The following A2ML1 variants were observed in gnomAD, a reference collection of about 807,000 sequenced individuals.
A2ML1 encodes the protein alpha-2-macroglobulin like 1.
A neutral mutation model predicts 181.9 loss-of-function variants in A2ML1; 161 were observed. That is an observed-to-expected ratio of 0.89 (90% CI 0.78 to 1.01). A2ML1 has a LOEUF of 1.01. A2ML1 is among the 50% of genes least tolerant of loss of function. The pLI, the probability that A2ML1 is intolerant of heterozygous loss-of-function variation, is 0.00. For synonymous variants in A2ML1, 663 were observed against 666.8 expected (o/e 0.99, Z 0.09); for missense variants, 1,670 against 1,768.1 (o/e 0.94, Z 1.00).
At chr12:8,874,118 C>A (rs1045114278) in intron 33 of A2ML1, among the ~76,000 whole-genome samples, 2 of 152,040 alleles carry the variant, frequency 1.3e-5, no homozygotes, top group African/African-American at 4.8e-5. Context: ...CAGGTTCAAG[C>A]GATTCTTCTG....
rs1331234461 is a variant in A2ML1 at position 8,861,167 on chromosome 12, C to A, written c.3372C>A (p.Leu1124=). The A allele has an allele frequency of 6.2e-7, 1 of 1,614,152 alleles. No individual in the cohort carries two copies. Among genetic ancestry groups the A allele is most frequent in the East Asian group, 2.2e-5 (1 of 44,878 alleles). Reference sequence around the variant, plus strand: ...TGGTGAGTCAGGGTCTACGGTGTCTCAAGAATTCGGCCACCTCCACGACCA... The same window carrying A: ...TGGTGAGTCAGGGTCTACGGTGTCTAAAGAATTCGGCCACCTCCACGACCA... The part of the protein sequence containing the change: ...DPMVSQGLRC[L]KNSATSTTNL... Residue 1124 remains leucine, a synonymous_variant, in exon 28 of 36, where the codon CTC becomes CTA. Coordinates refer to ENST00000299698, the MANE Select transcript of A2ML1 (RefSeq NM_144670.6).
chr12:8,858,206 C>T (rs1944138648), intron 26 of A2ML1, 104 bp downstream of exon 26: 3 of 1,369,952 alleles, frequency 2.2e-6, no homozygotes, highest in East Asian at 2.5e-5. Flanking sequence ...TCAGTTTTCT[C>T]CTGATCTCCA....
At chr12:8,826,664 G>T (rs780843585) in intron 3 of A2ML1, among the ~76,000 whole-genome samples, 1 of 151,778 alleles carries the variant, frequency 6.6e-6, no homozygotes, top group Non-Finnish European at 1.5e-5. Context: ...ATTCTGCCGC[G>T]CAGGCTGGAA....
At chr12:8,869,297 G>A in intron 33 of A2ML1, 94 bp downstream of exon 33, 2 of 1,296,518 alleles carry the variant, frequency 1.5e-6, no homozygotes, top group Admixed American at 1.7e-5. Flanking sequence ...ACACACATGG[G>A]GATGAGGGGC....
chr12:8,873,944 C>T (rs779332736), intron 33 of A2ML1, among the ~76,000 whole-genome samples: 5 of 151,988 alleles, frequency 3.3e-5, no homozygotes, highest in Non-Finnish European at 5.9e-5. Context: ...CAGCAGGAGG[C>T]AATGTCTTTA....
Position 8,860,907 on chromosome 12 carries a change from G to A in A2ML1, c.3291G>A (p.Leu1097=), listed in dbSNP as rs1474068543. The change falls in exon 27 of 36, where the codon TTG becomes TTA. Residue 1097 remains leucine (L), a synonymous_variant. Transcript: ENST00000299698. The part of the protein sequence containing the change: ...MKGGVDDEVS[L]TAYVTAALLE... ...GTGGTGTTGATGATGAGGTCTCCTT[G>A]ACTGCGTATGTCACAGCTGCATTGC... 1 of 1,614,090 alleles carries A rather than the reference G, an allele frequency of 6.2e-7. No homozygotes were observed. The highest frequency in any genetic ancestry group is 8.5e-7 in the Non-Finnish European group (1 of 1,180,028).
rs374870623 is a variant in A2ML1 at position 8,834,638 on chromosome 12, G to A, written c.463-24G>A. 4.5e-5 allele frequency: 73 copies of A among 1,613,306 alleles called. No homozygotes were observed. In the Middle Eastern group the frequency reaches 8.2e-4, roughly 18 times the overall value. ...TATTGCTGTCAACCTTCTTTAACCCGCATTATCTGGTTTTCCTTTTCAGTA... is the reference window on the plus strand; with the variant it reads ...TATTGCTGTCAACCTTCTTTAACCCACATTATCTGGTTTTCCTTTTCAGTA... On this transcript the variant is annotated intron_variant, in intron 4 of 35. Transcript: ENST00000299698.
intron 12 of A2ML1, chr12:8,844,906 T>C (rs1943614694): frequency 9.3e-7 from 1 of 1,071,206 alleles, no homozygotes; most frequent in Non-Finnish European, 1.2e-6. Flanking sequence ...GAGCGTGGGA[T>C]GAGAGCCTGC....
chr12:8,883,675 A>C (rs1944891333), intron 7 of A2ML1, among the ~76,000 whole-genome samples: 1 of 150,704 alleles, frequency 6.6e-6, no homozygotes, highest in African/African-American at 2.4e-5. Flanking sequence ...ACGGTGTTTC[A>C]CCATGTTGGT....
chr12:8,849,555 A>G, intron 16 of A2ML1, 114 bp from the exon 17 acceptor site: 1 of 873,896 alleles, frequency 1.1e-6, no homozygotes, highest in Non-Finnish European at 1.8e-6. Context: ...CAGGTTCACC[A>G]TTAATTCAAA....
chr12:8,882,192 A>G (rs1944878377), intron 7 of A2ML1, among the ~76,000 whole-genome samples: 2 of 152,082 alleles, frequency 1.3e-5, no homozygotes, highest in Admixed American at 1.3e-4. Flanking sequence ...GGAACAGGAA[A>G]TGAGAAGAGG....
chr12:8,848,801 T>C lies in A2ML1; in HGVS notation c.1915T>C (p.Trp639Arg). ...EYDQCPVSGP[W>R]DFPQPLIDPM... ...TGATCAGTGTCCAGTGTCTGGCCCATGGGACTTTCCTCAGCCCCTCATTGA... is the reference window on the plus strand; with the variant it reads ...TGATCAGTGTCCAGTGTCTGGCCCACGGGACTTTCCTCAGCCCCTCATTGA... Residue 639 changes from tryptophan (W) to arginine (R), a missense_variant, in exon 16 of 36, where the codon TGG becomes CGG. Trp to Arg is a moderately radical substitution (Grantham distance 101, BLOSUM62 -3). Transcript: ENST00000299698. 2 of 1,614,156 alleles carry C rather than the reference T, an allele frequency of 1.2e-6. No individual in the cohort carries two copies. The highest frequency in any genetic ancestry group is 2.2e-5 in the South Asian group (2 of 91,084).
chr12:8,852,486 C>T lies in A2ML1; in HGVS notation c.2590+150C>T, dbSNP rs757820131. On this transcript the variant is annotated intron_variant, in intron 20 of 35. Coordinates refer to ENST00000299698, the MANE Select transcript of A2ML1 (RefSeq NM_144670.6). This position sits in a 1 kb window ranked among gnomAD's most constrained non-coding sequence, Gnocchi z 4.2. Reference sequence around the variant, plus strand: ...CTCCTAAGGCTGTTATAAGTCAATACACAAACACTCTTTGATAGGTGACCA... The same window carrying T: ...CTCCTAAGGCTGTTATAAGTCAATATACAAACACTCTTTGATAGGTGACCA... 2 of 1,166,848 alleles carry T rather than the reference C, an allele frequency of 1.7e-6. No individual in the cohort carries two copies. Among genetic ancestry groups the T allele is most frequent in the Middle Eastern group, 3.0e-4 (1 of 3,312 alleles). 72.3% of individuals were successfully genotyped at this position (1,166,848 alleles called of 1,614,324 possible). A position where few individuals can be genotyped will look rare whatever the true frequency, so the allele number is the denominator to read the frequency against.
intron 7 of A2ML1, 112 bp from the exon 8 acceptor site, chr12:8,837,328 A>C: frequency 1.5e-5 from 21 of 1,446,046 alleles, no homozygotes; most frequent in Admixed American, 1.8e-5. Flanking sequence ...CCAGATTGTC[A>C]GAGCTTTCTT....
At position 8,835,589 on chromosome 12, in the gene A2ML1, C is replaced by T. The variant is rs1943245239; in HGVS notation, c.566C>T (p.Pro189Leu). The change falls in exon 6 of 36, where the codon CCA becomes CTA. Residue 189 changes from proline to leucine, a missense_variant. By Grantham distance (98) the Pro-to-Leu change is moderately conservative. Coordinates refer to ENST00000299698, the MANE Select transcript of A2ML1 (RefSeq NM_144670.6). ...GTAGACCTGTCCTTCCAACTGGCAC[C>T]AGAGGCAATGCTGGGCACCTACACT... ...GIVDLSFQLAPEAMLGTYTVA... is the reference protein window; with the variant it reads ...GIVDLSFQLALEAMLGTYTVA... The T allele has an allele frequency of 1.2e-6, 2 of 1,614,098 alleles. No individual in the cohort carries two copies. Among genetic ancestry groups the T allele is most frequent in the South Asian group, 2.2e-5 (2 of 91,088 alleles).
At chr12:8,861,645 G>A (rs988587279) in intron 28 of A2ML1, among the ~76,000 whole-genome samples, 5 of 151,648 alleles carry the variant, frequency 3.3e-5, no homozygotes, top group Admixed American at 6.6e-5. Context: ...CCACCACCAC[G>A]CCCGGCGAAT....
intron 29 of A2ML1, 119 bp downstream of exon 29, chr12:8,864,127 G>A: frequency 2.4e-6 from 2 of 840,334 alleles, no homozygotes; most frequent in Admixed American, 5.5e-5. Flanking sequence ...GGAAAAGCCT[G>A]TGAACAATAT....
downstream of A2ML1, among the ~76,000 whole-genome samples, chr12:8,879,496 A>G (rs1474629258): frequency 1.3e-5 from 2 of 152,066 alleles, no homozygotes; most frequent in Non-Finnish European, 1.5e-5. Flanking sequence ...GTGTCCAAAA[A>G]AAAAAAGAAG....
rs963166850 is a variant in A2ML1, at chr12:8,863,717, G to A, written c.3503-77G>A. ...TCAGTTGGTACTTACTCTGCTCTAA[G>A]ATGCTGCATTTACAAAGTGAATGTG... is the stretch of plus-strand genomic sequence containing the variant. On this transcript the variant is annotated intron_variant, in intron 28 of 35. Transcript: ENST00000299698. 2.8e-6 allele frequency: 4 copies of A among 1,441,082 alleles called. No individual in the cohort carries two copies. In the African/African-American group the frequency reaches 5.6e-5, roughly 20 times the overall value. The allele number at this position is 1,441,082 out of a possible 1,614,324, so 89.3% of individuals were successfully genotyped here.
Sources: gnomAD v4.1 joint callset for allele counts (sites outside exome capture counted in the v4.1 genomes callset) on GRCh38, gnomAD v4.1.1 for gene constraint, Gnocchi (gnomAD v3.1) non-coding constraint, MANE v1.5 for transcripts, NCBI Gene and HGNC (gene_info 2026-07-23, HGNC 2026-07-21) for gene names.